GRAMD1C: variants seen among roughly 807,000 people sequenced by gnomAD.
GRAMD1C encodes the protein GRAM domain containing 1C, also known as protein Aster-C.
A neutral mutation model predicts 97.8 loss-of-function variants in GRAMD1C; 89 were observed. The ratio of observed to expected loss-of-function variants is 0.91; its 90% confidence interval spans 0.77 to 1.09. GRAMD1C has a LOEUF of 1.09. GRAMD1C is among the 50% of genes least tolerant of loss of function. GRAMD1C has a pLI of 0.00. For missense variants in GRAMD1C, 740 were observed against 766.4 expected (o/e 0.97, Z 0.41); for synonymous variants, 256 against 267.0 (o/e 0.96, Z 0.40).
intron 9 of GRAMD1C, among the ~76,000 whole-genome samples, chr3:113,914,912 T>C (rs948666750): frequency 1.3e-5 from 2 of 152,184 alleles, no homozygotes; most frequent in Admixed American, 1.3e-4. Flanking sequence ...GATGAGTCAA[T>C]ACTTGTAAGG....
chr3:113,902,472 G>A (rs960549675), intron 7 of GRAMD1C, among the ~76,000 whole-genome samples: 2 of 152,102 alleles, frequency 1.3e-5, no homozygotes, highest in African/African-American at 2.4e-5. Context: ...CCAAACAGCC[G>A]AGCAACCTCA....
intron 10 of GRAMD1C, among the ~76,000 whole-genome samples, chr3:113,918,511 T>C (rs1222250244): frequency 6.6e-6 from 1 of 152,244 alleles, no homozygotes; most frequent in Non-Finnish European, 1.5e-5. Context: ...TTATATCAAC[T>C]GTCTGATGTT....
chr3:113,850,777 T>TA (rs1933862754), intron 2 of GRAMD1C: 2 of 891,652 alleles, frequency 2.2e-6, no homozygotes, highest in South Asian at 5.5e-5. Flanking sequence ...AGGATATACT[T>TA]AATTTTTTTT....
chr3:113,850,405 C>A, intron 2 of GRAMD1C: 1 of 982,350 alleles, frequency 1.0e-6, no homozygotes, highest in African/African-American at 1.6e-5. Flanking sequence ...GTCGCTCACC[C>A]TCCAGACCTT....
intron 6 of GRAMD1C, among the ~76,000 whole-genome samples, chr3:113,890,139 G>T (rs1001369335): frequency 1.3e-5 from 2 of 152,164 alleles, no homozygotes; most frequent in East Asian, 3.8e-4. Context: ...CTGGAGTGGG[G>T]ACCCTTGGAG....
chr3:113,913,574 C>A (rs1372961639), intron 9 of GRAMD1C, among the ~76,000 whole-genome samples: 3 of 151,988 alleles, frequency 2.0e-5, no homozygotes, highest in Admixed American at 1.3e-4. Flanking sequence ...GAGCTCTGAT[C>A]ACACTTTGCT....
intron 9 of GRAMD1C, among the ~76,000 whole-genome samples, chr3:113,915,456 A>C (rs1039166299): frequency 6.6e-6 from 1 of 152,194 alleles, no homozygotes; most frequent in Non-Finnish European, 1.5e-5. Context: ...GACAGTTGAA[A>C]TATTGATTAT....
At chr3:113,887,093 T>TTG (rs1296645410) in intron 6 of GRAMD1C, among the ~76,000 whole-genome samples, 25 of 121,162 alleles carry the variant, frequency 2.1e-4, no homozygotes, top group African/African-American at 5.7e-4. Context: ...TTGTTTTTTT[T>TTG]TTGTTTTTTT....
chr3:113,837,062 G>A (rs1709642740), upstream of GRAMD1C, among the ~76,000 whole-genome samples: 1 of 152,014 alleles, frequency 6.6e-6, no homozygotes, highest in Non-Finnish European at 1.5e-5. Flanking sequence ...AATTGTTCTA[G>A]AATGTCTTCC....
intron 5 of GRAMD1C, among the ~76,000 whole-genome samples, chr3:113,878,744 G>T (rs940928597): frequency 1.3e-5 from 2 of 151,918 alleles, no homozygotes; most frequent in African/African-American, 4.8e-5. Context: ...GAGAAACCAG[G>T]CTCCCATTAT....
rs1559832152 is a variant in GRAMD1C, at chr3:113,945,517, T to TA, written c.*42dup. The TA allele has an allele frequency of 1.9e-6, 2 of 1,044,862 alleles. No individual in the cohort carries two copies. Among genetic ancestry groups the TA allele is most frequent in the South Asian group, 2.7e-5 (2 of 73,730 alleles). 64.7% of individuals were successfully genotyped at this position (1,044,862 alleles called of 1,614,324 possible). On this transcript the variant is annotated 3_prime_UTR_variant, in exon 18 of 18. Transcript: ENST00000358160. Reference sequence around the variant, plus strand: ...TAAAACCGCAGAGATACTTGGAACTTAAAGAAAATACCTGGAAGAAAACCA... The same window carrying TA: ...TAAAACCGCAGAGATACTTGGAACTTAAAAGAAAATACCTGGAAGAAAACCA...
chr3:113,933,802 T>TAGGTGAGAAGC, intron 12 of GRAMD1C, 149 bp downstream of exon 12: 1 of 581,156 alleles, frequency 1.7e-6, no homozygotes, highest in Non-Finnish European at 3.0e-6. Context: ...GAGTGGGGCT[T>TAGGTGAGAAGC]CTCACCTAAG....
At chr3:113,865,547 T>C (rs1393087579) in intron 2 of GRAMD1C, among the ~76,000 whole-genome samples, 1 of 152,194 alleles carries the variant, frequency 6.6e-6, no homozygotes. Flanking sequence ...TCACTTAGAA[T>C]AGGAAGATGC....
chr3:113,865,605 G>A (rs1934553301), intron 2 of GRAMD1C, among the ~76,000 whole-genome samples: 1 of 152,012 alleles, frequency 6.6e-6, no homozygotes, highest in East Asian at 1.9e-4. Flanking sequence ...AAGAAATTGG[G>A]GTCTTTGAGG....
chr3:113,857,666 G>A (rs1024467011), intron 2 of GRAMD1C, among the ~76,000 whole-genome samples: 5 of 152,112 alleles, frequency 3.3e-5, no homozygotes, highest in Admixed American at 1.3e-4. Flanking sequence ...ATGAGCCACC[G>A]TGTCCAGCCT....
At chr3:113,928,065 C>A (rs964309000) in intron 10 of GRAMD1C, among the ~76,000 whole-genome samples, 4 of 152,142 alleles carry the variant, frequency 2.6e-5, no homozygotes, top group Non-Finnish European at 5.9e-5. Context: ...TGTGTACAAT[C>A]CTCCAGGGAG....
chr3:113,902,964 TC>T (rs1936230792), intron 7 of GRAMD1C, among the ~76,000 whole-genome samples: 1 of 149,306 alleles, frequency 6.7e-6, no homozygotes, highest in Non-Finnish European at 1.5e-5. Flanking sequence ...TTTTTTCTTT[TC>T]TTTCTTTCTT....
upstream of GRAMD1C, among the ~76,000 whole-genome samples, chr3:113,837,066 G>A (rs1312495278): frequency 1.3e-5 from 2 of 152,018 alleles, no homozygotes; most frequent in African/African-American, 4.8e-5. Flanking sequence ...GTTCTAGAAT[G>A]TCTTCCCTCC....
At chr3:113,871,439 G>A (rs536662626) in intron 3 of GRAMD1C, among the ~76,000 whole-genome samples, 12 of 151,800 alleles carry the variant, frequency 7.9e-5, no homozygotes, top group South Asian at 4.2e-4. Context: ...AGGCTGAGGC[G>A]GGTGGCTTGC....
Sources: allele counts gnomAD v4.1 joint callset (sites outside exome capture counted in the v4.1 genomes callset), GRCh38; gene constraint gnomAD v4.1.1; transcripts MANE v1.5; gene names NCBI Gene and HGNC (gene_info 2026-07-23, HGNC 2026-07-21).